PCDHGA10: variants seen among roughly 807,000 people sequenced by gnomAD.
The protein encoded by PCDHGA10 is protocadherin gamma subfamily A, 10.
PCDHGA10 carries 42 observed loss-of-function variants against 59.5 expected under a neutral mutation model. The ratio of observed to expected loss-of-function variants is 0.71; its 90% CI spans 0.55 to 0.91. The LOEUF is 0.91. Ranked by LOEUF, PCDHGA10 falls within the 40% of genes least tolerant of loss-of-function variation. The probability of loss-of-function intolerance (pLI) is 0.00; values close to 1 mark genes in which losing one functional copy is unlikely to be tolerated. For missense variants in PCDHGA10, 1,111 were observed against 1,198.2 expected (o/e 0.93, Z 1.07); for synonymous variants, 511 against 517.2 (o/e 0.99, Z 0.16).
At chr5:141,415,824 CT>C (rs1412807947) in intron 1 of PCDHGA10, 8 of 1,306,364 alleles carry the variant, frequency 6.1e-6, no homozygotes, top group Non-Finnish European at 7.8e-6. Flanking sequence ...TATCATAAGG[CT>C]TTGTTATGAT....
chr5:141,501,331 A>ACC (rs906542724), intron 2 of PCDHGA10, among the ~76,000 whole-genome samples: 1 of 138,846 alleles, frequency 7.2e-6, no homozygotes, highest in Non-Finnish European at 1.6e-5. Flanking sequence ...ACACACACAC[A>ACC]CACCCCAAAC....
Position 141,487,333 on chromosome 5 carries a change from C to T in PCDHGA10, c.2437-7474C>T. 6.2e-7 allele frequency: 1 copy of T among 1,614,176 alleles called. No homozygotes were observed. The highest frequency in any genetic ancestry group is 8.5e-7 in the Non-Finnish European group (1 of 1,180,022). On this transcript the variant is annotated intron_variant, in intron 1 of 3. Transcript: ENST00000398610. The surrounding 1 kb of genome is among the most constrained non-coding windows in gnomAD (Gnocchi z 5.0). ...TCTCTAAGTGTCTTCGTGGGGCAGC[C>T]TGTGGAGTCACATGCTTTCCTGCTG...
chr5:141,470,860 T>G (rs2099242265), intron 1 of PCDHGA10, among the ~76,000 whole-genome samples: 1 of 151,788 alleles, frequency 6.6e-6, no homozygotes, highest in South Asian at 2.1e-4. Context: ...GATAAGTTTT[T>G]TGTTTGTTTG....
chr5:141,428,886 G>T (rs1002869474), intron 1 of PCDHGA10: 3 of 149,710 alleles, frequency 2.0e-5, no homozygotes, highest in Non-Finnish European at 2.9e-5. Context: ...ACGGAGTCTC[G>T]CTCTGTGGTC....
chr5:141,441,884 C>A (rs2098281796), intron 1 of PCDHGA10: 10 of 343,702 alleles, frequency 2.9e-5, no homozygotes, highest in South Asian at 2.6e-4. Context: ...TACCTGGTCA[C>A]CAAGGTGGTG....
rs560733170 is a variant in PCDHGA10, at chr5:141,503,895, A to G, written c.2496-1498A>G. ...TTGTGCTCACCCACCATGACAAAATATGCACACACACAACGCAACACACAC... is the reference window on the plus strand; with the variant it reads ...TTGTGCTCACCCACCATGACAAAATGTGCACACACACAACGCAACACACAC... On this transcript the variant is annotated intron_variant, in intron 2 of 3. Transcript: ENST00000398610. Among the ~76,000 whole-genome samples, 12 of 152,302 alleles carry G rather than the reference A, an allele frequency of 7.9e-5. No individual in the cohort carries two copies. The South Asian group carries it at 2.1e-3, about 26-fold the overall frequency.
intron 1 of PCDHGA10, among the ~76,000 whole-genome samples, chr5:141,445,920 A>C (rs1343777309): frequency 6.6e-6 from 1 of 152,212 alleles, no homozygotes; most frequent in African/African-American, 2.4e-5. Context: ...GGCAGTGACA[A>C]GATATTTGAA....
chr5:141,485,944 G>C lies in PCDHGA10; in HGVS notation c.2437-8863G>C, dbSNP rs2099621875. 1 of 1,613,998 alleles carries C rather than the reference G, an allele frequency of 6.2e-7. No homozygotes were observed. Reference sequence around the variant, plus strand: ...TTAGTGTGTTGGAGAGCGCACCAGCGGGCATGGTGCTCATCCAGCTCAATG... The same window carrying C: ...TTAGTGTGTTGGAGAGCGCACCAGCCGGCATGGTGCTCATCCAGCTCAATG... On this transcript the variant is annotated intron_variant, in intron 1 of 3. Transcript: ENST00000398610. This position sits in a 1 kb window ranked among gnomAD's most constrained non-coding sequence, Gnocchi z 5.7.
intron 1 of PCDHGA10, among the ~76,000 whole-genome samples, chr5:141,474,705 A>C (rs114026580): frequency 0.01 from 1,561 of 152,324 alleles, 35 homozygotes; most frequent in African/African-American, 0.035. Context: ...TCAAGGTTCT[A>C]TTATACTTCA....
At chr5:141,430,327 T>C (rs1250968800) in intron 1 of PCDHGA10, among the ~76,000 whole-genome samples, 7 of 152,042 alleles carry the variant, frequency 4.6e-5, no homozygotes, top group Non-Finnish European at 1.5e-5. Context: ...AAAATCATTG[T>C]TTATAGAAAC....
chr5:141,452,172 T>G (rs1338447268), intron 1 of PCDHGA10, among the ~76,000 whole-genome samples: 1 of 152,206 alleles, frequency 6.6e-6, no homozygotes, highest in Non-Finnish European at 1.5e-5. Flanking sequence ...TTACTAACAT[T>G]TTTTATTTTG....
intron 1 of PCDHGA10, among the ~76,000 whole-genome samples, chr5:141,473,422 A>C (rs2154571673): frequency 6.6e-6 from 1 of 152,332 alleles, no homozygotes; most frequent in African/African-American, 2.4e-5. Context: ...TGGGGGAAGC[A>C]GATACTTTGC....
At chr5:141,497,020 C>T (rs138768677) in intron 2 of PCDHGA10, among the ~76,000 whole-genome samples, 8 of 152,122 alleles carry the variant, frequency 5.3e-5, no homozygotes, top group African/African-American at 1.7e-4. Flanking sequence ...GAAACCCCAT[C>T]TCGATTAAAA....
intron 1 of PCDHGA10, among the ~76,000 whole-genome samples, chr5:141,484,369 G>A (rs1218433750): frequency 6.6e-6 from 1 of 152,164 alleles, no homozygotes; most frequent in Non-Finnish European, 1.5e-5. Flanking sequence ...TGTATCACTA[G>A]CAAATGTCTG....
chr5:141,432,823 C>A lies in PCDHGA10; in HGVS notation c.2436+17212C>A. 1 of 1,614,184 alleles carries A rather than the reference C, an allele frequency of 6.2e-7. No homozygotes were observed. Among genetic ancestry groups the A allele is most frequent in the Non-Finnish European group, 8.5e-7 (1 of 1,180,004 alleles). On this transcript the variant is annotated intron_variant, in intron 1 of 3. Transcript: ENST00000398610. The surrounding 1 kb of genome is among the most constrained non-coding windows in gnomAD (Gnocchi z 6.0). ...CTCCAGCTAACTCTGAAACCTCAGA[C>A]CTCACTCTGTACCTGGTGGTAGCGG...
intron 1 of PCDHGA10, chr5:141,422,218 A>T: frequency 1.3e-6 from 2 of 1,564,130 alleles, no homozygotes; most frequent in Non-Finnish European, 8.6e-7. Flanking sequence ...TCTCTTTACC[A>T]CCACGACGAT....
At chr5:141,418,460 G>A in intron 1 of PCDHGA10, 1 of 1,613,992 alleles carries the variant, frequency 6.2e-7, no homozygotes, top group Non-Finnish European at 8.5e-7. Context: ...GAAGACTCTG[G>A]ACCGAGAAAC....
chr5:141,462,078 C>T (rs2154567608), intron 1 of PCDHGA10, among the ~76,000 whole-genome samples: 1 of 152,304 alleles, frequency 6.6e-6, no homozygotes, highest in East Asian at 1.9e-4. Flanking sequence ...CCGCCTTGGC[C>T]TCCCAAAATG....
intron 1 of PCDHGA10, among the ~76,000 whole-genome samples, chr5:141,437,556 T>C (rs1427506223): frequency 6.6e-6 from 1 of 152,228 alleles, no homozygotes; most frequent in African/African-American, 2.4e-5. Context: ...CTTTATGACA[T>C]GTAACAGAGT....
Sources: gnomAD v4.1 joint callset for allele counts (sites outside exome capture counted in the v4.1 genomes callset) on GRCh38, gnomAD v4.1.1 for gene constraint, Gnocchi (gnomAD v3.1) non-coding constraint, MANE v1.5 for transcripts, NCBI Gene and HGNC (gene_info 2026-07-23, HGNC 2026-07-21) for gene names.